MPPED1: variants seen among roughly 807,000 people sequenced by gnomAD.
MPPED1 encodes the protein metallophosphoesterase domain containing 1.
MPPED1 carries 16 observed loss-of-function variants against 36.2 expected under a neutral mutation model. That is an observed-to-expected ratio of 0.44 (90% CI 0.30 to 0.67). The LOEUF is 0.67. Ranked by LOEUF, MPPED1 falls within the 30% of genes least tolerant of loss-of-function variation. MPPED1 has a pLI of 0.10. For synonymous variants in MPPED1, 199 were observed against 191.3 expected, an observed-to-expected ratio of 1.04 and a Z score of -0.33; for missense variants, 307 against 453.4, an observed-to-expected ratio of 0.68 and a Z score of 2.93.
At chr22:43,418,856 C>T (rs1392054705) in intron 1 of MPPED1, 1 of 152,322 alleles carries the variant, frequency 6.6e-6, no homozygotes, top group African/African-American at 2.4e-5. Flanking sequence ...GTCAAAGCCT[C>T]AGAGTCTTAC....
chr22:43,447,967 C>T (rs186819808), intron 3 of MPPED1, among the ~76,000 whole-genome samples: 1 of 149,002 alleles, frequency 6.7e-6, no homozygotes, highest in Admixed American at 6.7e-5. Context: ...CAACCTCTGC[C>T]TCCCGGGTTC....
chr22:43,439,865 C>T (rs1930088720), intron 3 of MPPED1, among the ~76,000 whole-genome samples: 1 of 152,226 alleles, frequency 6.6e-6, no homozygotes, highest in Non-Finnish European at 1.5e-5. Flanking sequence ...TGGTCCGGGG[C>T]CCACGCTCCA....
chr22:43,413,373 ACT>A (rs748802543), intron 1 of MPPED1, among the ~76,000 whole-genome samples: 2 of 129,638 alleles, frequency 1.5e-5, no homozygotes, highest in African/African-American at 6.1e-5. Context: ...ATCTGACTGG[ACT>A]TTGCAAAAAA....
At chr22:43,415,899 C>T (rs887953147) in intron 1 of MPPED1, among the ~76,000 whole-genome samples, 3 of 152,212 alleles carry the variant, frequency 2.0e-5, no homozygotes, top group Admixed American at 6.5e-5. Flanking sequence ...CTTTTGGCAT[C>T]GCCCAGGCTA....
chr22:43,479,428 G>C (rs1189993766), intron 4 of MPPED1, among the ~76,000 whole-genome samples: 1 of 152,236 alleles, frequency 6.6e-6, no homozygotes, highest in African/African-American at 2.4e-5. Flanking sequence ...TTCACCATGT[G>C]GCCTTAGGAG....
intron 4 of MPPED1, among the ~76,000 whole-genome samples, chr22:43,494,868 A>ACCTCAC (rs1569088234): frequency 6.6e-6 from 1 of 152,098 alleles, no homozygotes; most frequent in Admixed American, 6.6e-5. Flanking sequence ...TCTGGTGAGG[A>ACCTCAC]CCCACTTCCT....
At chr22:43,432,392 GAAACGGAGGAGAGAGAGATAAAGGGA>G (rs1929731512) in intron 2 of MPPED1, among the ~76,000 whole-genome samples, 1 of 122,760 alleles carries the variant, frequency 8.1e-6, no homozygotes, top group African/African-American at 3.2e-5. Flanking sequence ...GAGAGAGAGA[GAAACGGAGGAGAGAGAGATAAAGGGA>G]GGAGAGAGAA....
chr22:43,420,835 C>G (rs759854107), intron 1 of MPPED1, among the ~76,000 whole-genome samples: 1 of 152,252 alleles, frequency 6.6e-6, no homozygotes, highest in Non-Finnish European at 1.5e-5. Flanking sequence ...CCCTCCACCC[C>G]GTCCCATGTT....
intron 1 of MPPED1, among the ~76,000 whole-genome samples, chr22:43,415,225 C>CAAAAAAAAAAAAAAAAAAAAAGA: frequency 2.0e-5 from 1 of 49,414 alleles, no homozygotes; most frequent in Non-Finnish European, 3.5e-5. Context: ...ATGTCAAAAG[C>CAAAAAAAAAAAAAAAAAAAAAGA]AAAAAAAAAA....
Position 43,496,532 on chromosome 22 carries a change from G to T in MPPED1, c.633-1703G>T, listed in dbSNP as rs138308003. 3.2e-4 allele frequency among the ~76,000 whole-genome samples: 6 copies of T among 18,634 alleles called. 1 individual carries two copies. The highest frequency in any genetic ancestry group is 6.3e-4 in the Admixed American group (1 of 1,576). The allele number at this position is 18,634 out of a possible 152,430, so 12.2% of individuals were successfully genotyped here. A position where few individuals can be genotyped will look rare whatever the true frequency, so the allele number is the denominator to read the frequency against. ...GGTGGAGATGGTGGTGGAGATGGTG[G>T]TGGTGGAGATGGTGGTGGTGGAGAT... On this transcript the variant is annotated intron_variant, in intron 4 of 6. Coordinates refer to ENST00000443721, the MANE Select transcript of MPPED1 (RefSeq NM_001044370.2).
intron 5 of MPPED1, among the ~76,000 whole-genome samples, chr22:43,499,526 ATGGAGGTGG>A (rs1932555905): frequency 1.8e-5 from 1 of 54,168 alleles, no homozygotes; most frequent in African/African-American, 7.3e-5. Flanking sequence ...GGTGGTGGTG[ATGGAGGTGG>A]TGGTGATGGT....
At chr22:43,437,901 A>G (rs1313262616) in intron 3 of MPPED1, among the ~76,000 whole-genome samples, 2 of 152,202 alleles carry the variant, frequency 1.3e-5, no homozygotes, top group Admixed American at 1.3e-4. Flanking sequence ...CAGGGAAGGC[A>G]GTGGAACAAC....
At chr22:43,451,556 T>C (rs1438627157) in intron 3 of MPPED1, among the ~76,000 whole-genome samples, 1 of 152,236 alleles carries the variant, frequency 6.6e-6, no homozygotes, top group African/African-American at 2.4e-5. Context: ...CTGGGCTGGT[T>C]TGACAGCCAC....
At chr22:43,438,901 A>C (rs135062) in intron 3 of MPPED1, among the ~76,000 whole-genome samples, 7,849 of 152,148 alleles carry the variant, frequency 0.052, 396 homozygotes, top group African/African-American at 0.13. Flanking sequence ...TCGCCCACCC[A>C]CTGGCTCAGC....
At chr22:43,447,883 A>ATATATATATATATATATATATT (rs1321289636) in intron 3 of MPPED1, among the ~76,000 whole-genome samples, 70 of 67,684 alleles carry the variant, frequency 1.0e-3, no homozygotes, top group Non-Finnish European at 1.3e-3. Flanking sequence ...ATATATATAT[A>ATATATATATATATATATATATT]TTTTTTTTTT....
chr22:43,416,488 T>C (rs1392635541), intron 1 of MPPED1: 1 of 152,212 alleles, frequency 6.6e-6, no homozygotes. Flanking sequence ...ACCACAGCCC[T>C]CTAGCCTCTT....
In MPPED1 at chr22:43,474,038, T is replaced by C. The variant is rs1372598196; in HGVS notation, c.407-698T>C. Among the ~76,000 whole-genome samples the C allele has an allele frequency of 6.6e-6, 1 of 152,186 alleles. No homozygotes were observed. The highest frequency in any genetic ancestry group is 1.5e-5 in the Non-Finnish European group (1 of 68,018). On this transcript the variant is annotated intron_variant, in intron 3 of 6. Transcript: ENST00000443721. The surrounding 1 kb of genome is among the most constrained non-coding windows in gnomAD (Gnocchi z 5.2). Reference sequence around the variant, plus strand: ...TTTTGGCTTTGAATTTCCATGGCAGTAGGGGTGGGTACTATAATGTTTCCT... The same window carrying C: ...TTTTGGCTTTGAATTTCCATGGCAGCAGGGGTGGGTACTATAATGTTTCCT...
At chr22:43,420,366 G>A (rs1159347036) in intron 1 of MPPED1, among the ~76,000 whole-genome samples, 2 of 152,074 alleles carry the variant, frequency 1.3e-5, no homozygotes, top group South Asian at 2.1e-4. Flanking sequence ...TCCCCAGGTC[G>A]GGGTGTCATT....
At chr22:43,415,680 A>T (rs1212914129) in intron 1 of MPPED1, among the ~76,000 whole-genome samples, 1 of 152,196 alleles carries the variant, frequency 6.6e-6, no homozygotes, top group Non-Finnish European at 1.5e-5. Flanking sequence ...GCTGCGGGAA[A>T]AAATAAATAA....
Sources: allele counts gnomAD v4.1 joint callset (sites outside exome capture counted in the v4.1 genomes callset), GRCh38; gene constraint gnomAD v4.1.1; non-coding constraint Gnocchi (gnomAD v3.1); transcripts MANE v1.5; gene names NCBI Gene and HGNC (gene_info 2026-07-23, HGNC 2026-07-21).